VPS13D: variants seen among roughly 807,000 people sequenced by gnomAD.
VPS13D encodes the protein vacuolar protein sorting 13 homolog D, also known as intermembrane lipid transfer protein VPS13D.
A neutral mutation model predicts 461.9 loss-of-function variants in VPS13D; 187 were observed. The observed-to-expected ratio is 0.40, with a 90% CI of 0.36 to 0.46. VPS13D has a LOEUF of 0.46. Among genes scored for constraint, VPS13D ranks in the 20% least tolerant of loss-of-function variants. The pLI, the probability that VPS13D is intolerant of heterozygous loss-of-function variation, is 0.60. For synonymous variants in VPS13D, 1,951 were observed against 1,986.3 expected (o/e 0.98, Z 0.47); for missense variants, 4,711 against 5,364.9 (o/e 0.88, Z 3.81).
chr1:12,456,240 A>G (rs986195363), intron 66 of VPS13D, 110 bp downstream of exon 66: 2 of 1,429,860 alleles, frequency 1.4e-6, no homozygotes, highest in Non-Finnish European at 1.8e-6. Flanking sequence ...GCGGTGGCTC[A>G]TGCTTGTAAT....
chr1:12,464,573 C>T (rs187398058), intron 67 of VPS13D, among the ~76,000 whole-genome samples: 2 of 152,114 alleles, frequency 1.3e-5, no homozygotes, highest in Admixed American at 6.5e-5. Context: ...TATAGGGAAC[C>T]CCCCCTCCTT....
At chr1:12,339,641 A>G (rs1643524977) in intron 40 of VPS13D, among the ~76,000 whole-genome samples, 1 of 152,180 alleles carries the variant, frequency 6.6e-6, no homozygotes, top group Non-Finnish European at 1.5e-5. Context: ...GCCAAAGGCA[A>G]GTACATAGTT....
chr1:12,398,617 C>G (rs945623759), intron 60 of VPS13D, among the ~76,000 whole-genome samples: 1 of 152,152 alleles, frequency 6.6e-6, no homozygotes, highest in Non-Finnish European at 1.5e-5. Flanking sequence ...TGGCTGCTTC[C>G]TGCAAGGAGC....
chr1:12,315,676 AAC>A (rs1489703767), intron 30 of VPS13D, among the ~76,000 whole-genome samples: 5 of 152,186 alleles, frequency 3.3e-5, no homozygotes, highest in Non-Finnish European at 2.9e-5. Flanking sequence ...TGATGTTTCC[AAC>A]AGTCTTTGGA....
chr1:12,445,113 C>G (rs1218942103), intron 65 of VPS13D, among the ~76,000 whole-genome samples: 1 of 152,124 alleles, frequency 6.6e-6, no homozygotes, highest in Admixed American at 6.5e-5. Flanking sequence ...AGGTCAGAGA[C>G]AGTGTGTGTG....
chr1:12,446,822 C>G (rs1443749305), intron 65 of VPS13D, among the ~76,000 whole-genome samples: 1 of 152,222 alleles, frequency 6.6e-6, no homozygotes, highest in African/African-American at 2.4e-5. Context: ...ATCTCCACCC[C>G]AGTCTGGCCT....
chr1:12,432,517 C>T (rs1452480524), intron 65 of VPS13D, among the ~76,000 whole-genome samples: 1 of 152,036 alleles, frequency 6.6e-6, no homozygotes, highest in East Asian at 1.9e-4. Context: ...CAGTTGCCTG[C>T]TGTCCAGCAA....
chr1:12,459,636 G>T (rs868655952), intron 66 of VPS13D, among the ~76,000 whole-genome samples: 1 of 151,678 alleles, frequency 6.6e-6, no homozygotes, highest in African/African-American at 2.4e-5. Context: ...GCATCACCAC[G>T]CCCAGCTAAT....
chr1:12,363,155 G>A lies in VPS13D; in HGVS notation c.10356G>A (p.Gln3452=). The change falls in exon 52 of 70, where the codon CAG becomes CAA. Residue 3452 remains glutamine (Q), a synonymous_variant. Transcript: ENST00000620676. ...VFHWPRNDYD[Q]LLCVRLMDVP... Reference sequence around the variant, plus strand: ...ACTGGCCTCGGAATGACTATGATCAGCTATTGTGTGTCAGACTGATGGACG... The same window carrying A: ...ACTGGCCTCGGAATGACTATGATCAACTATTGTGTGTCAGACTGATGGACG... The A allele has an allele frequency of 6.2e-7, 1 of 1,614,236 alleles. No individual in the cohort carries two copies. The highest frequency in any genetic ancestry group is 8.5e-7 in the Non-Finnish European group (1 of 1,180,046).
intron 65 of VPS13D, among the ~76,000 whole-genome samples, chr1:12,454,576 T>C (rs1048732341): frequency 6.6e-6 from 1 of 152,236 alleles, no homozygotes; most frequent in Non-Finnish European, 1.5e-5. Context: ...ACTGTTGCTT[T>C]ACATGGAATT....
At position 12,412,188 on chromosome 1, in the gene VPS13D, C is replaced by A. The variant is rs182234540; in HGVS notation, c.12031-2899C>A. Among the ~76,000 whole-genome samples the A allele has an allele frequency of 1.3e-3, 201 of 152,282 alleles. 1 individual carries two copies. Among genetic ancestry groups the A allele is most frequent in the Non-Finnish European group, 2.5e-3 (169 of 68,012 alleles). On this transcript the variant is annotated intron_variant, in intron 63 of 69. Coordinates refer to ENST00000620676, the MANE Select transcript of VPS13D (RefSeq NM_015378.4). ...GACCCACATAGATGAAGGGACATAC[C>A]ATGTCGATAAGTTGGAAGATTCGGT...
At chr1:12,331,769 A>G (rs1285059241) in intron 37 of VPS13D, among the ~76,000 whole-genome samples, 1 of 151,450 alleles carries the variant, frequency 6.6e-6, no homozygotes, top group Non-Finnish European at 1.5e-5. Flanking sequence ...GTTGAGAGAA[A>G]CTCTTGCATG....
At chr1:12,321,418 T>C (rs1484277595) in intron 32 of VPS13D, among the ~76,000 whole-genome samples, 2 of 152,220 alleles carry the variant, frequency 1.3e-5, no homozygotes, top group Admixed American at 1.3e-4. Flanking sequence ...GTCTTTTTTG[T>C]CATTTTTAAA....
intron 15 of VPS13D, 119 bp from the exon 16 acceptor site, chr1:12,268,587 G>A (rs1415085116): frequency 8.6e-7 from 1 of 1,164,676 alleles, no homozygotes; most frequent in African/African-American, 1.5e-5. Context: ...AGGCATAAAT[G>A]TGAACTAATT....
intron 40 of VPS13D, 64 bp downstream of exon 40, chr1:12,338,369 ATT>A: frequency 4.0e-6 from 5 of 1,263,948 alleles, no homozygotes; most frequent in Non-Finnish European, 4.4e-6. Flanking sequence ...TTGTACATCA[ATT>A]TTTTTTTTAA....
chr1:12,503,219 T>C (rs1646058199), intron 68 of VPS13D, among the ~76,000 whole-genome samples: 1 of 152,228 alleles, frequency 6.6e-6, no homozygotes, highest in Non-Finnish European at 1.5e-5. Context: ...ACCTGTCATC[T>C]TGGAAAAGGG....
At chr1:12,359,968 A>C (rs1643925784) in intron 50 of VPS13D, among the ~76,000 whole-genome samples, 1 of 152,196 alleles carries the variant, frequency 6.6e-6, no homozygotes, top group Non-Finnish European at 1.5e-5. Context: ...GGTTGACTGG[A>C]AGCTGTAGTT....
rs572605159 is a variant in VPS13D at position 12,369,025 on chromosome 1, C to G, written c.10572+434C>G. On this transcript the variant is annotated intron_variant, in intron 53 of 69. Coordinates refer to ENST00000620676, the MANE Select transcript of VPS13D (RefSeq NM_015378.4). ...TTAGATTTTATTTTAATTATGCTTT[C>G]AAATAATAATAGGTCTTATATGTGA... Among the ~76,000 whole-genome samples the G allele has an allele frequency of 1.9e-3, 287 of 152,232 alleles. 1 individual carries two copies. Among genetic ancestry groups the G allele is most frequent in the African/African-American group, 6.4e-3 (267 of 41,536 alleles).
intron 41 of VPS13D, among the ~76,000 whole-genome samples, chr1:12,342,593 A>G (rs1643593849): frequency 6.6e-6 from 1 of 152,006 alleles, no homozygotes; most frequent in African/African-American, 2.4e-5. Context: ...TTAAATTCCA[A>G]CTAATCACTT....
Sources: gnomAD v4.1 joint callset for allele counts (sites outside exome capture counted in the v4.1 genomes callset) on GRCh38, gnomAD v4.1.1 for gene constraint, MANE v1.5 for transcripts, NCBI Gene and HGNC (gene_info 2026-07-23, HGNC 2026-07-21) for gene names.